RGN: variants seen among roughly 807,000 people sequenced by gnomAD.
RGN encodes the protein epididymis secretory protein Li 41.
RGN carries 19 observed loss-of-function variants against 20.6 expected under a neutral mutation model. The ratio of observed to expected loss-of-function variants is 0.92; its 90% CI spans 0.64 to 1.35. RGN has a LOEUF of 1.35. RGN is among the 40% of genes most tolerant of loss of function. The probability of loss-of-function intolerance (pLI) is 0.00; values close to 1 mark genes in which losing one functional copy is unlikely to be tolerated. For missense variants in RGN, 302 were observed against 232.7 expected (o/e 1.30, Z -1.94); for synonymous variants, 85 against 87.2 (o/e 0.97, Z 0.14).
intron 1 of RGN, among the ~76,000 whole-genome samples, chrX:47,079,417 TTTTG>T (rs1328526383): frequency 5.6e-5 from 6 of 107,853 alleles, no homozygotes; most frequent in Non-Finnish European, 1.1e-4. Context: ...TTTTGTTTTG[TTTTG>T]TTTTTTTGTT....
intron 5 of RGN, among the ~76,000 whole-genome samples, chrX:47,090,952 G>A (rs1266329548): frequency 1.9e-5 from 1 of 51,825 alleles, no homozygotes; most frequent in Non-Finnish European, 4.4e-5. Context: ...AAGAAAGAAA[G>A]AAAGAAAGAA....
rs1556381145 is a variant in RGN, at chrX:47,081,196, G to C, written c.52G>C (p.Glu18Gln). Residue 18 changes from glutamate (E) to glutamine (Q), a missense_variant, in exon 3 of 8, where the codon GAG (glutamate) becomes CAG (glutamine). Physicochemically the swap from Glu to Gln is conservative, Grantham distance 29. Transcript: ENST00000397180. The stretch of plus-strand genomic sequence containing the variant: ...TTTGCCAGAGAACTGCCGGTGTGGT[G>C]AGTCTCCAGTATGGGAGGAAGTGTC... ...CVLPENCRCGESPVWEEVSNS... is the reference protein window; with the variant it reads ...CVLPENCRCGQSPVWEEVSNS... The C allele has an allele frequency of 1.0e-5, 12 of 1,205,346 alleles. No homozygotes were observed. The highest frequency in any genetic ancestry group is 4.6e-4 in the Middle Eastern group (2 of 4,343).
intron 4 of RGN, among the ~76,000 whole-genome samples, chrX:47,088,931 C>CA (rs1192707605): frequency 1.4e-3 from 66 of 47,086 alleles, no homozygotes; most frequent in Admixed American, 5.7e-3. Flanking sequence ...AACACTCTGC[C>CA]AAAAAAAAAA....
intron 3 of RGN, among the ~76,000 whole-genome samples, chrX:47,083,411 A>G (rs1556382383): frequency 1.8e-5 from 2 of 110,895 alleles, no homozygotes; most frequent in African/African-American, 3.3e-5. Context: ...AAAAAAAAAA[A>G]GTTTTCTTAT....
In RGN at chrX:47,080,436, C is replaced by T. The variant is rs146742385; in HGVS notation, c.-516C>T. On this transcript the variant is annotated 5_prime_UTR_variant, in exon 2 of 8. Transcript: ENST00000397180. ...TTTGCCAAACTGGCACGGTGTCTTC[C>T]TGGGAAGCAAGAAATCACTGAGGGC... 6.2e-3 allele frequency: 696 copies of T among 111,675 alleles called. 4 individuals carry two copies. The highest frequency in any genetic ancestry group is 0.041 in the Middle Eastern group (9 of 218). The allele number at this position is 111,675 out of a possible 1,213,427, so 9.2% of individuals were successfully genotyped here. A position where few individuals can be genotyped will look rare whatever the true frequency, so the allele number is the denominator to read the frequency against.
chrX:47,089,606 C>T (rs1463342584), intron 4 of RGN, among the ~76,000 whole-genome samples, 170 bp from the exon 5 acceptor site: 82 of 19,539 alleles, frequency 4.2e-3, no homozygotes, highest in East Asian at 0.01. Context: ...TATACACACA[C>T]ACACACACAC....
rs1350701435 is a variant in RGN, at chrX:47,085,793, TC to T, written c.346+1194del. Among the ~76,000 whole-genome samples, 41 of 111,744 alleles carry T rather than the reference TC, an allele frequency of 3.7e-4. 1 individual carries two copies. The Admixed American group carries it at 3.9e-3, about 11-fold the overall frequency. On this transcript the variant is annotated intron_variant, in intron 4 of 7. Coordinates refer to ENST00000397180, the MANE Select transcript of RGN (RefSeq NM_152869.4). ...CACTGCACCTGGCCTATCTCCAGAA[TC>T]ATGTGAGAGTAGGTTGCATGTATAT...
intron 4 of RGN, among the ~76,000 whole-genome samples, chrX:47,086,763 G>GAGAA (rs1930611541): frequency 9.4e-6 from 1 of 106,284 alleles, no homozygotes; most frequent in East Asian, 3.0e-4. Flanking sequence ...GAGAGAGAGA[G>GAGAA]AGAGAGAGAG....
At chrX:47,087,422 C>A (rs1930643730) in intron 4 of RGN, 1 of 111,623 alleles carries the variant, frequency 9.0e-6, no homozygotes, top group Non-Finnish European at 1.9e-5. Flanking sequence ...GTAATTTCTG[C>A]AAGATAAAGA....
At chrX:47,087,126 A>T (rs1930633184) in intron 4 of RGN, among the ~76,000 whole-genome samples, 1 of 112,222 alleles carries the variant, frequency 8.9e-6, no homozygotes. Context: ...TTTTATCTAC[A>T]GTTTTAAATT....
intron 3 of RGN, among the ~76,000 whole-genome samples, chrX:47,083,637 G>C (rs782030656): frequency 8.9e-6 from 1 of 112,029 alleles, no homozygotes; most frequent in Non-Finnish European, 1.9e-5. Context: ...TGGGCCTGGC[G>C]TGGTGGCTCA....
intron 3 of RGN, among the ~76,000 whole-genome samples, chrX:47,082,107 A>G (rs1452949720): frequency 9.0e-6 from 1 of 111,548 alleles, no homozygotes; most frequent in Non-Finnish European, 1.9e-5. Flanking sequence ...TTTCATGTGC[A>G]TTTGAGTGTG....
chrX:47,088,660 G>T (rs1415723843), intron 4 of RGN, among the ~76,000 whole-genome samples: 1 of 109,828 alleles, frequency 9.1e-6, no homozygotes, highest in African/African-American at 3.3e-5. Context: ...GGCCGGGCGC[G>T]GTGGCTCAAG....
intron 7 of RGN, among the ~76,000 whole-genome samples, 198 bp from the exon 8 acceptor site, chrX:47,092,699 T>C (rs1019242869): frequency 2.3e-4 from 26 of 112,161 alleles, no homozygotes; most frequent in African/African-American, 8.1e-4. Flanking sequence ...TAGTCGTAAA[T>C]GATTGCTAGT....
At chrX:47,088,860 G>T (rs1275645027) in intron 4 of RGN, among the ~76,000 whole-genome samples, 1 of 103,896 alleles carries the variant, frequency 9.6e-6, no homozygotes, top group Non-Finnish European at 2.0e-5. Context: ...CTTCAGTCCG[G>T]GAGGTTGAGG....
At chrX:47,090,935 A>AGAAGGAAGGAAG (rs1569540735) in intron 5 of RGN, among the ~76,000 whole-genome samples, 1 of 30,067 alleles carries the variant, frequency 3.3e-5, no homozygotes, top group African/African-American at 7.8e-5. Context: ...AAAGAAAGAA[A>AGAAGGAAGGAAG]GAAAGAAAGA....
intron 1 of RGN, among the ~76,000 whole-genome samples, chrX:47,079,657 T>A (rs1930211494): frequency 9.1e-6 from 1 of 110,157 alleles, no homozygotes; most frequent in Admixed American, 9.8e-5. Flanking sequence ...GGTCTTGAAC[T>A]CCTGACCTCA....
At chrX:47,088,449 G>A (rs1356718374) in intron 4 of RGN, among the ~76,000 whole-genome samples, 1 of 110,435 alleles carries the variant, frequency 9.1e-6, no homozygotes, top group Admixed American at 9.8e-5. Context: ...AGGGAGGGAG[G>A]ATCGACCCTG....
At chrX:47,081,086 G>T in intron 2 of RGN, 44 bp from the exon 3 acceptor site, 1 of 987,270 alleles carries the variant, frequency 1.0e-6, no homozygotes, top group Non-Finnish European at 1.4e-6. Flanking sequence ...TACTGTATTT[G>T]TTCTGTGCGA....
Sources: allele counts gnomAD v4.1 joint callset (sites outside exome capture counted in the v4.1 genomes callset), GRCh38; gene constraint gnomAD v4.1.1; transcripts MANE v1.5; gene names NCBI Gene and HGNC (gene_info 2026-07-23, HGNC 2026-07-21).